The following IAH1 variants were observed in gnomAD, a reference collection of about 807,000 sequenced individuals.
The protein encoded by IAH1 is isoamyl acetate-hydrolyzing esterase 1 homolog.
A neutral mutation model predicts 26.7 loss-of-function variants in IAH1; 24 were observed. The observed-to-expected ratio is 0.90, with a 90% CI of 0.65 to 1.26. The LOEUF (loss-of-function observed/expected upper bound fraction) is 1.26. Among genes scored for constraint, IAH1 ranks in the 50% most tolerant of loss-of-function variants. IAH1 has a pLI of 0.00. For missense variants in IAH1, 300 were observed against 299.9 expected, an observed-to-expected ratio of 1.00 and a Z score of 0.00; for synonymous variants, 140 against 118.5, an observed-to-expected ratio of 1.18 and a Z score of -1.18.
downstream of IAH1, chr2:9,494,677 C>T: frequency 6.2e-7 from 1 of 1,614,086 alleles, no homozygotes; most frequent in East Asian, 2.2e-5. Context: ...CTTTCCTTTC[C>T]TCAAAAATAA....
the IAH1 span, among the ~76,000 whole-genome samples, chr2:9,509,552 T>G: frequency 6.6e-6 from 1 of 152,222 alleles, no homozygotes; most frequent in Non-Finnish European, 1.5e-5. Flanking sequence ...CCCATGAGGC[T>G]TGTAGTCAGG....
rs531451208 is a variant in IAH1, at chr2:9,488,802, G to A, written c.*473G>A. On this transcript the variant is annotated 3_prime_UTR_variant, in exon 6 of 6. Transcript: ENST00000497473. The stretch of plus-strand genomic sequence containing the variant: ...AGTATCTGAGTAACAAATGTCCTTG[G>A]AAATGGGGGGTAGGAGGAGATATGA... The A allele has an allele frequency of 2.6e-5, 4 of 152,342 alleles. No individual in the cohort carries two copies. In the East Asian group the frequency reaches 7.7e-4, roughly 29 times the overall value. The allele number at this position is 152,342 out of a possible 1,614,324, so 9.4% of individuals were successfully genotyped here.
downstream of IAH1, chr2:9,493,896 A>C: frequency 7.6e-7 from 1 of 1,319,074 alleles, no homozygotes; most frequent in Non-Finnish European, 1.1e-6. Context: ...TAGCTTTATA[A>C]AAATAACTGA....
chr2:9,501,251 TA>T (rs536264722), downstream of IAH1, among the ~76,000 whole-genome samples: 5 of 148,904 alleles, frequency 3.4e-5, no homozygotes, highest in Admixed American at 2.0e-4. Context: ...CAAGGGCTGT[TA>T]AAAAAAAAAG....
In IAH1 at chr2:9,489,638, A is replaced by AT. The variant is rs1431250157; in HGVS notation, c.*1310dup. The AT allele has an allele frequency of 6.6e-6, 1 of 151,916 alleles. No homozygotes were observed. Among genetic ancestry groups the AT allele is most frequent in the Non-Finnish European group, 1.5e-5 (1 of 67,976 alleles). The allele number at this position is 151,916 out of a possible 1,614,324, so 9.4% of individuals were successfully genotyped here. A position where few individuals can be genotyped will look rare whatever the true frequency, so the allele number is the denominator to read the frequency against. On this transcript the variant is annotated 3_prime_UTR_variant, in exon 6 of 6. Coordinates refer to ENST00000497473, the MANE Select transcript of IAH1 (RefSeq NM_001039613.3). ...TTTAGATATATATTTTCCCTGCTAC[A>AT]TAAAAACTCTGGGTAATAACTAGAA...
chr2:9,497,476 C>T (rs772599498), downstream of IAH1, among the ~76,000 whole-genome samples: 2 of 152,170 alleles, frequency 1.3e-5, no homozygotes, highest in Non-Finnish European at 1.5e-5. Flanking sequence ...CTCCCAAGCC[C>T]CAGTTAGAAT....
chr2:9,476,100 TATGG>T (rs1461925984), intron 2 of IAH1, 61 bp downstream of exon 2: 51 of 1,395,482 alleles, frequency 3.7e-5, no homozygotes, highest in Non-Finnish European at 4.9e-5. Context: ...GGATCCGTCT[TATGG>T]ATGAAGGATA....
chr2:9,508,111 T>C, the IAH1 span, among the ~76,000 whole-genome samples: 3 of 152,134 alleles, frequency 2.0e-5, no homozygotes, highest in Admixed American at 6.6e-5. Flanking sequence ...AGTAAAACAT[T>C]TTGCTCCCAA....
intron 5 of IAH1, among the ~76,000 whole-genome samples, chr2:9,487,864 C>G (rs755520465): frequency 6.7e-6 from 1 of 148,448 alleles, no homozygotes; most frequent in Admixed American, 6.7e-5. Context: ...TGGGGGGAGA[C>G]AGTCTATCAC....
At chr2:9,478,403 T>G (rs1660953673) in intron 3 of IAH1, 33 bp downstream of exon 3, 1 of 1,536,850 alleles carries the variant, frequency 6.5e-7, no homozygotes, top group Non-Finnish European at 8.8e-7. Flanking sequence ...TCTAGCTCAC[T>G]TTTAATCATT....
At position 9,474,992 on chromosome 2, in the gene IAH1, C is replaced by T. The variant is rs1488220734; in HGVS notation, c.81+345C>T. ...GGCAGCGGCCTTTCCCCTCCGGGTC[C>T]GGGTTAGCGGCCGCGGGCGACCGCG... On this transcript the variant is annotated intron_variant, in intron 1 of 5. Transcript: ENST00000497473. This position sits in a 1 kb window ranked among gnomAD's most constrained non-coding sequence, Gnocchi z 4.3. 3 of 1,097,224 alleles carry T rather than the reference C, an allele frequency of 2.7e-6. No homozygotes were observed. The highest frequency in any genetic ancestry group is 4.3e-4 in the Middle Eastern group (1 of 2,300). The allele number at this position is 1,097,224 out of a possible 1,614,324, so 68.0% of individuals were successfully genotyped here.
At chr2:9,504,659 G>C in the IAH1 span, among the ~76,000 whole-genome samples, 1 of 150,642 alleles carries the variant, frequency 6.6e-6, no homozygotes, top group Admixed American at 6.6e-5. Context: ...CTACTCAGGA[G>C]GCTAAGGCAG....
chr2:9,491,684 C>G (rs1662165616), downstream of IAH1, among the ~76,000 whole-genome samples: 1 of 152,210 alleles, frequency 6.6e-6, no homozygotes, highest in East Asian at 1.9e-4. Flanking sequence ...GAAGGCTAAC[C>G]ACATGGCCAT....
At position 9,488,411 on chromosome 2, in the gene IAH1, G is replaced by T; in HGVS notation, c.*82G>T. The T allele has an allele frequency of 4.5e-6, 5 of 1,120,672 alleles. No homozygotes were observed. The highest frequency in any genetic ancestry group is 6.3e-6 in the Non-Finnish European group (5 of 796,782). 69.4% of individuals were successfully genotyped at this position (1,120,672 alleles called of 1,614,324 possible). On this transcript the variant is annotated 3_prime_UTR_variant, in exon 6 of 6. Transcript: ENST00000497473. ...CGTAGAGGTACGCTTTTTTCCTCAGGCTTAAACCTTTGCCACTGATATTAA... is the reference window on the plus strand; with the variant it reads ...CGTAGAGGTACGCTTTTTTCCTCAGTCTTAAACCTTTGCCACTGATATTAA...
chr2:9,486,125 A>T (rs534936208), intron 5 of IAH1: 12 of 152,334 alleles, frequency 7.9e-5, no homozygotes, highest in Non-Finnish European at 8.8e-5. Context: ...CTACACATTT[A>T]TTATCCATCT....
chr2:9,497,150 C>T (rs780557617), downstream of IAH1: 5 of 1,614,178 alleles, frequency 3.1e-6, no homozygotes, highest in Admixed American at 3.3e-5. Context: ...TGTTCCCTCT[C>T]GCAGAAAGGG....
At chr2:9,493,719 CAGTA>C (rs1281962200), downstream of IAH1, 5 of 1,591,164 alleles carry the variant, frequency 3.1e-6, no homozygotes, top group Middle Eastern at 1.7e-4. Context: ...ACTCAGCTCT[CAGTA>C]AGTAATCTGG....
chr2:9,477,362 G>C (rs148366402), intron 2 of IAH1, among the ~76,000 whole-genome samples: 1 of 152,096 alleles, frequency 6.6e-6, no homozygotes, highest in Non-Finnish European at 1.5e-5. Flanking sequence ...AACCCCAGGC[G>C]TCATTTTAAG....
chr2:9,496,160 G>A (rs540026896), intron 6 of IAH1, among the ~76,000 whole-genome samples: 25 of 151,188 alleles, frequency 1.7e-4, no homozygotes, highest in Admixed American at 2.6e-4. Context: ...ATGGAGTCTC[G>A]CTCTGTTGCC....
Sources: gnomAD v4.1 joint callset for allele counts (sites outside exome capture counted in the v4.1 genomes callset) on GRCh38, gnomAD v4.1.1 for gene constraint, Gnocchi (gnomAD v3.1) non-coding constraint, MANE v1.5 for transcripts, NCBI Gene and HGNC (gene_info 2026-07-23, HGNC 2026-07-21) for gene names.